Variants in DNM1 observed in about 807,000 individuals in gnomAD.
DNM1 encodes dynamin 1, also known as dynamin-1.
DNM1 carries 29 observed loss-of-function variants against 104.6 expected under a neutral mutation model. The observed-to-expected ratio is 0.28, with a 90% CI of 0.21 to 0.38. DNM1 has a LOEUF of 0.38. DNM1 is among the 10% of genes least tolerant of loss of function. The pLI is 1.00. For synonymous variants in DNM1, 445 were observed against 475.8 expected, an observed-to-expected ratio of 0.94 and a Z score of 0.84; for missense variants, 640 against 1,189.4, an observed-to-expected ratio of 0.54 and a Z score of 6.79.
At chr9:128,249,517 G>T (rs535082807) in intron 19 of DNM1, among the ~76,000 whole-genome samples, 1 of 151,962 alleles carries the variant, frequency 6.6e-6, no homozygotes. Flanking sequence ...TTAGCCGGGC[G>T]TGGTGGCACA....
chr9:128,230,216 CAA>C (rs574620137), intron 10 of DNM1, among the ~76,000 whole-genome samples: 1 of 76,694 alleles, frequency 1.3e-5, no homozygotes, highest in Non-Finnish European at 2.6e-5. Flanking sequence ...GACTCCGTCT[CAA>C]AAAAAAAAAA....
intron 10 of DNM1, among the ~76,000 whole-genome samples, chr9:128,231,335 G>A (rs1010343135): frequency 5.8e-4 from 88 of 151,310 alleles, no homozygotes; most frequent in African/African-American, 2.1e-3. Flanking sequence ...CCGAGTAGCT[G>A]GGATTACAGG....
rs1834972634 is a variant in DNM1 at position 128,220,976 on chromosome 9, TC to T, written c.849+636del. 7.6e-6 allele frequency: 1 copy of T among 130,912 alleles called. No individual in the cohort carries two copies. The highest frequency in any genetic ancestry group is 3.3e-5 in the African/African-American group (1 of 30,662). 8.1% of individuals were successfully genotyped at this position (130,912 alleles called of 1,614,324 possible). On this transcript the variant is annotated intron_variant, in intron 6 of 21. Transcript: ENST00000372923. This position sits in a 1 kb window ranked among gnomAD's most constrained non-coding sequence, Gnocchi z 5.2. ...CTTTCCTTTCTTCTTTCTTTCTTTCTCTTTCTTTCTTTCTTTCCCTTCCTTC... is the reference window on the plus strand; with the variant it reads ...CTTTCCTTTCTTCTTTCTTTCTTTCTTTTCTTTCTTTCTTTCCCTTCCTTC...
Position 128,248,902 on chromosome 9 carries a change from A to G in DNM1, c.2076+149A>G. 1.2e-6 allele frequency: 1 copy of G among 865,658 alleles called. No homozygotes were observed. Among genetic ancestry groups the G allele is most frequent in the Non-Finnish European group, 1.8e-6 (1 of 569,168 alleles). 53.6% of individuals were successfully genotyped at this position (865,658 alleles called of 1,614,324 possible). The stretch of plus-strand genomic sequence containing the variant: ...CAGACCAGAGCTGTCCAATAGAAAT[A>G]TCATGAGGGGCTGGGCGCGGTGGCT... On this transcript the variant is annotated intron_variant, in intron 19 of 21. Coordinates refer to ENST00000372923, the MANE Select transcript of DNM1 (RefSeq NM_004408.4). This position sits in a 1 kb window ranked among gnomAD's most constrained non-coding sequence, Gnocchi z 5.6.
In DNM1 at chr9:128,240,473, A is replaced by G. The variant is rs1836295893; in HGVS notation, c.1557+477A>G. 1.2e-5 allele frequency: 2 copies of G among 163,574 alleles called. No individual in the cohort carries two copies. Among genetic ancestry groups the G allele is most frequent in the African/African-American group, 4.8e-5 (2 of 41,578 alleles). The allele number at this position is 163,574 out of a possible 1,614,324, so 10.1% of individuals were successfully genotyped here. On this transcript the variant is annotated intron_variant, in intron 14 of 21. Coordinates refer to ENST00000372923, the MANE Select transcript of DNM1 (RefSeq NM_004408.4). The surrounding 1 kb of genome is among the most constrained non-coding windows in gnomAD (Gnocchi z 5.1). Reference sequence around the variant, plus strand: ...GTCAGAAGCGCTTGCTCAGTTGTACACATGAGCCCGAGGGTCCTCAGCTTT... The same window carrying G: ...GTCAGAAGCGCTTGCTCAGTTGTACGCATGAGCCCGAGGGTCCTCAGCTTT...
intron 10 of DNM1, chr9:128,232,163 G>A (rs761212134): frequency 5.6e-5 from 23 of 411,948 alleles, no homozygotes; most frequent in Non-Finnish European, 9.9e-5. Flanking sequence ...GGCAAATTGC[G>A]CCCTCCTCCT....
chr9:128,231,145 A>G lies in DNM1; in HGVS notation c.1336-2876A>G, dbSNP rs150886271. Among the ~76,000 whole-genome samples the G allele has an allele frequency of 2.3e-3, 323 of 138,270 alleles. 2 individuals carry two copies. The highest frequency in any genetic ancestry group is 8.1e-3 in the African/African-American group (303 of 37,434). 90.7% of individuals were successfully genotyped at this position (138,270 alleles called of 152,430 possible). The stretch of plus-strand genomic sequence containing the variant: ...GAGCAGAAAAAACTGATCAACAAAT[A>G]TTTGGAAAGGAAAGCTTTGGTCTAA... On this transcript the variant is annotated intron_variant, in intron 10 of 21. Coordinates refer to ENST00000372923, the MANE Select transcript of DNM1 (RefSeq NM_004408.4).
Position 128,227,053 on chromosome 9 carries a change from C to T in DNM1, c.1335+2664C>T, listed in dbSNP as rs34490391. On this transcript the variant is annotated intron_variant, in intron 10 of 21. Transcript: ENST00000372923. The stretch of plus-strand genomic sequence containing the variant: ...TTTTTGAGATGGAATCTTGCTCTGT[C>T]GCCCAGGCTGGAGTGCAGTGGCACC... 4.9e-3 allele frequency among the ~76,000 whole-genome samples: 603 copies of T among 124,058 alleles called. 5 individuals carry two copies. The highest frequency in any genetic ancestry group is 7.3e-3 in the Non-Finnish European group (468 of 63,796). The allele number at this position is 124,058 out of a possible 152,430, so 81.4% of individuals were successfully genotyped here.
In DNM1 at chr9:128,218,184, G is replaced by C; in HGVS notation, c.162-47G>C. ...CGGACAGGTACCCCTGGGACAGAGGGCGCCCCCTCATATCTTGACCCTCCT... is the reference window on the plus strand; with the variant it reads ...CGGACAGGTACCCCTGGGACAGAGGCCGCCCCCTCATATCTTGACCCTCCT... On this transcript the variant is annotated intron_variant, in intron 1 of 21. Transcript: ENST00000372923. This position sits in a 1 kb window ranked among gnomAD's most constrained non-coding sequence, Gnocchi z 4.8. 6.3e-7 allele frequency: 1 copy of C among 1,584,174 alleles called. No homozygotes were observed. The highest frequency in any genetic ancestry group is 8.7e-7 in the Non-Finnish European group (1 of 1,152,724).
chr9:128,249,192 C>CAA (rs113241852), intron 19 of DNM1, among the ~76,000 whole-genome samples: 1 of 117,880 alleles, frequency 8.5e-6, no homozygotes. Flanking sequence ...GACTCCATCT[C>CAA]AAAAAAAAAA....
intron 1 of DNM1, among the ~76,000 whole-genome samples, chr9:128,213,383 T>G (rs1158603964): frequency 6.6e-6 from 1 of 152,050 alleles, no homozygotes; most frequent in Non-Finnish European, 1.5e-5. Context: ...CACCTTGTCA[T>G]TTTCTGAATC....
At chr9:128,234,368 G>T (rs1835881272) in intron 11 of DNM1, among the ~76,000 whole-genome samples, 1 of 152,236 alleles carries the variant, frequency 6.6e-6, no homozygotes, top group Non-Finnish European at 1.5e-5. Context: ...TCCATCCACA[G>T]AACTGTTTTT....
At chr9:128,242,844 C>T (rs1259853186) in intron 15 of DNM1, among the ~76,000 whole-genome samples, 1 of 152,156 alleles carries the variant, frequency 6.6e-6, no homozygotes, top group African/African-American at 2.4e-5. Flanking sequence ...CACCCTCTCA[C>T]CCAGGTTGGA....
In DNM1 at chr9:128,222,711, C is replaced by T. The variant is rs188564722; in HGVS notation, c.1129-82C>T. On this transcript the variant is annotated intron_variant, in intron 8 of 21. Coordinates refer to ENST00000372923, the MANE Select transcript of DNM1 (RefSeq NM_004408.4). The surrounding 1 kb of genome is among the most constrained non-coding windows in gnomAD (Gnocchi z 7.8). ...ACCCCACAGGCCCTGATGCCCAGCC[C>T]TAGGTGTGGGGTGGGCCCTGTCTTG... is the stretch of plus-strand genomic sequence containing the variant. 6.2e-4 allele frequency: 1,000 copies of T among 1,602,142 alleles called. No homozygotes were observed. The highest frequency in any genetic ancestry group is 8.2e-4 in the Non-Finnish European group (959 of 1,170,768).
Position 128,222,775 on chromosome 9 carries a change from C to A in DNM1, c.1129-18C>A, listed in dbSNP as rs746427782. On this transcript the variant is annotated intron_variant, in intron 8 of 21. Transcript: ENST00000372923. The surrounding 1 kb of genome is among the most constrained non-coding windows in gnomAD (Gnocchi z 7.8). Reference sequence around the variant, plus strand: ...TAGGACAGGCCCTGACCAGGCTTTTCTCTGCTTTTCTACACAGATGGAGTT... The same window carrying A: ...TAGGACAGGCCCTGACCAGGCTTTTATCTGCTTTTCTACACAGATGGAGTT... 1 of 1,614,044 alleles carries A rather than the reference C, an allele frequency of 6.2e-7. No individual in the cohort carries two copies. The highest frequency in any genetic ancestry group is 1.1e-5 in the South Asian group (1 of 91,062).
In DNM1 at chr9:128,235,204, G is replaced by C. The variant is rs118158514; in HGVS notation, c.1422+1097G>C. The stretch of plus-strand genomic sequence containing the variant: ...ATCCGTATTGTAGCATGTGTCAAAA[G>C]CTGCTTCCTGGCCGGGCGTGGTGGC... On this transcript the variant is annotated intron_variant, in intron 11 of 21. Coordinates refer to ENST00000372923, the MANE Select transcript of DNM1 (RefSeq NM_004408.4). Among the ~76,000 whole-genome samples the C allele has an allele frequency of 8.7e-3, 1,319 of 152,202 alleles. 12 individuals carry two copies. The highest frequency in any genetic ancestry group is 0.015 in the Non-Finnish European group (1,013 of 68,010).
rs1057522390 is a variant in DNM1 at position 128,219,215 on chromosome 9, T to C, written c.552T>C (p.Ser184=). The C allele has an allele frequency of 6.2e-7, 1 of 1,614,192 alleles. No individual in the cohort carries two copies. Among genetic ancestry groups the C allele is most frequent in the Non-Finnish European group, 8.5e-7 (1 of 1,180,040 alleles). ...VSPANSDLAN[S]DALKVAKEVD... ...CCGCCAACTCTGACCTGGCCAATTC[T>C]GACGCCCTCAAGGTCGCCAAGGAGG... The change falls in exon 4 of 22, where the codon TCT becomes TCC. Residue 184 remains serine, a synonymous_variant. Coordinates refer to ENST00000372923, the MANE Select transcript of DNM1 (RefSeq NM_004408.4).
chr9:128,224,187 G>A lies in DNM1; in HGVS notation c.1197-64G>A. On this transcript the variant is annotated intron_variant, in intron 9 of 21. Transcript: ENST00000372923. The surrounding 1 kb of genome is among the most constrained non-coding windows in gnomAD (Gnocchi z 4.3). Reference sequence around the variant, plus strand: ...TTCGTGGGCTTGGGGAGGAGCCTCGGCCTGGCCCTCCTGGCCGGCACTGGC... The same window carrying A: ...TTCGTGGGCTTGGGGAGGAGCCTCGACCTGGCCCTCCTGGCCGGCACTGGC... 1 of 1,556,794 alleles carries A rather than the reference G, an allele frequency of 6.4e-7. No individual in the cohort carries two copies. The highest frequency in any genetic ancestry group is 1.2e-5 in the South Asian group (1 of 80,804).
Position 128,218,521 on chromosome 9 carries a change from C to T in DNM1, c.236-61C>T, listed in dbSNP as rs1834749344. On this transcript the variant is annotated intron_variant, in intron 2 of 21. Coordinates refer to ENST00000372923, the MANE Select transcript of DNM1 (RefSeq NM_004408.4). The surrounding 1 kb of genome is among the most constrained non-coding windows in gnomAD (Gnocchi z 4.8). ...TCTATTACCGGTGGGAGATGAAAAC[C>T]CCCAGGTGGGGTTCCAGACCTTGAT... The T allele has an allele frequency of 1.9e-6, 3 of 1,567,444 alleles. No individual in the cohort carries two copies. The highest frequency in any genetic ancestry group is 2.6e-6 in the Non-Finnish European group (3 of 1,150,982).
Sources: allele counts gnomAD v4.1 joint callset (sites outside exome capture counted in the v4.1 genomes callset), GRCh38; gene constraint gnomAD v4.1.1; non-coding constraint Gnocchi (gnomAD v3.1); transcripts MANE v1.5; gene names NCBI Gene and HGNC (gene_info 2026-07-23, HGNC 2026-07-21).